Variants in GPR158 observed in about 807,000 individuals in gnomAD.
GPR158 encodes metabotropic glycine receptor.
Under a neutral mutation model 78.2 loss-of-function variants are expected in GPR158, and 30 were observed. The ratio of observed to expected loss-of-function variants is 0.38; its 90% CI spans 0.29 to 0.52. The LOEUF is 0.52. Ranked by LOEUF, GPR158 falls within the 20% of genes least tolerant of loss-of-function variation. GPR158 has a pLI of 0.83. For synonymous variants in GPR158, 581 were observed against 591.1 expected (o/e 0.98, Z 0.25); for missense variants, 1,463 against 1,523.5 (o/e 0.96, Z 0.66).
At chr10:25,248,411 A>T (rs894122012) in intron 2 of GPR158, among the ~76,000 whole-genome samples, 1 of 152,052 alleles carries the variant, frequency 6.6e-6, no homozygotes, top group Non-Finnish European at 1.5e-5. Context: ...CTGAATGGTA[A>T]TGCCTAGGTT....
At chr10:25,413,600 G>C (rs1457373746) in intron 4 of GPR158, among the ~76,000 whole-genome samples, 1 of 152,112 alleles carries the variant, frequency 6.6e-6, no homozygotes. Flanking sequence ...GTACAGATTG[G>C]TTTAGATTAC....
chr10:25,493,610 A>G (rs140697648), intron 5 of GPR158, among the ~76,000 whole-genome samples: 16 of 152,312 alleles, frequency 1.1e-4, no homozygotes, highest in African/African-American at 3.6e-4. Flanking sequence ...CAGAAATAAA[A>G]TATGTCTAAA....
chr10:25,431,452 G>A (rs1002870442), intron 4 of GPR158, among the ~76,000 whole-genome samples: 7 of 142,204 alleles, frequency 4.9e-5, no homozygotes, highest in Middle Eastern at 3.7e-3. Flanking sequence ...TCAGTGTGGC[G>A]ATTCCTCAGG....
At chr10:25,225,207 C>G (rs2130687996) in intron 2 of GPR158, among the ~76,000 whole-genome samples, 1 of 127,290 alleles carries the variant, frequency 7.9e-6, no homozygotes, top group East Asian at 2.1e-4. Context: ...TTGTATAAAG[C>G]AATGTATAAC....
intron 2 of GPR158, among the ~76,000 whole-genome samples, chr10:25,330,272 G>A (rs1446836241): frequency 2.0e-5 from 3 of 151,670 alleles, no homozygotes; most frequent in Non-Finnish European, 4.4e-5. Context: ...TTCCTAACAC[G>A]GCCCCTCTTT....
intron 4 of GPR158, among the ~76,000 whole-genome samples, chr10:25,438,101 G>A (rs1356348760): frequency 6.6e-6 from 1 of 152,180 alleles, no homozygotes; most frequent in Non-Finnish European, 1.5e-5. Flanking sequence ...TGAGGCAGAT[G>A]CCAATGGCTT....
intron 2 of GPR158, among the ~76,000 whole-genome samples, chr10:25,230,586 G>GAT (rs1853434645): frequency 6.6e-6 from 1 of 152,144 alleles, no homozygotes; most frequent in African/African-American, 2.4e-5. Flanking sequence ...ACTCGTGGGT[G>GAT]ATGTGATAAC....
At chr10:25,397,676 G>A (rs948103262) in intron 3 of GPR158, among the ~76,000 whole-genome samples, 72 of 152,182 alleles carry the variant, frequency 4.7e-4, no homozygotes, top group African/African-American at 1.7e-3. Flanking sequence ...CGTCTCCTCC[G>A]CCGCATATTT....
intron 2 of GPR158, among the ~76,000 whole-genome samples, chr10:25,361,585 C>T (rs929054758): frequency 2.0e-5 from 3 of 151,922 alleles, no homozygotes; most frequent in African/African-American, 4.8e-5. Flanking sequence ...TTTCCACATT[C>T]TCACAAACAT....
chr10:25,283,135 C>T (rs1854300318), intron 2 of GPR158, among the ~76,000 whole-genome samples: 1 of 151,990 alleles, frequency 6.6e-6, no homozygotes, highest in Admixed American at 6.6e-5. Context: ...TCATTTAGAG[C>T]TGAGGTCTTC....
chr10:25,481,363 A>C (rs1434493893), intron 5 of GPR158, among the ~76,000 whole-genome samples: 1 of 152,126 alleles, frequency 6.6e-6, no homozygotes, highest in Non-Finnish European at 1.5e-5. Flanking sequence ...AGATGAGTCA[A>C]ATAGAGTCGA....
At chr10:25,395,544 A>G (rs1834353486) in intron 2 of GPR158, among the ~76,000 whole-genome samples, 1 of 152,176 alleles carries the variant, frequency 6.6e-6, no homozygotes, top group Admixed American at 6.5e-5. Flanking sequence ...TTTGATAGAA[A>G]CATTCAGTAT....
chr10:25,560,488 A>G (rs921294846), intron 6 of GPR158, among the ~76,000 whole-genome samples: 2 of 152,146 alleles, frequency 1.3e-5, no homozygotes, highest in Admixed American at 1.3e-4. Context: ...GATGGTCTCA[A>G]TCTCCTGACC....
chr10:25,241,414 T>TCTTCTCTTCTCTTCTCTTCTCTTC (rs1564399847), intron 2 of GPR158, among the ~76,000 whole-genome samples: 44 of 54,918 alleles, frequency 8.0e-4, no homozygotes, highest in Middle Eastern at 9.1e-3. Flanking sequence ...CTCTTCTCTT[T>TCTTCTCTTCTCTTCTCTTCTCTTC]TCTTTTCTTT....
chr10:25,568,826 GC>G (rs2130728650), intron 6 of GPR158, among the ~76,000 whole-genome samples: 1 of 152,130 alleles, frequency 6.6e-6, no homozygotes, highest in African/African-American at 2.4e-5. Context: ...TATATGTTGG[GC>G]TTTCCTTCAG....
chr10:25,339,914 G>A (rs902102534), intron 2 of GPR158, among the ~76,000 whole-genome samples: 2 of 152,078 alleles, frequency 1.3e-5, no homozygotes, highest in Non-Finnish European at 2.9e-5. Flanking sequence ...CTTCGCATAT[G>A]TGCAGCTTAG....
At chr10:25,368,323 G>C (rs944082558) in intron 2 of GPR158, among the ~76,000 whole-genome samples, 1 of 151,756 alleles carries the variant, frequency 6.6e-6, no homozygotes, top group African/African-American at 2.4e-5. Context: ...CAGAATGGGA[G>C]AAAATATTTG....
rs893128394 is a variant in GPR158 at position 25,491,102 on chromosome 10, G to C, written c.1404+24383G>C. Reference sequence around the variant, plus strand: ...ATTGAGCTTTGTGATGTTCAAGGTAGATTTTTAATATGGCCATATATGGCG... The same window carrying C: ...ATTGAGCTTTGTGATGTTCAAGGTACATTTTTAATATGGCCATATATGGCG... On this transcript the variant is annotated intron_variant, in intron 5 of 10. Coordinates refer to ENST00000376351, the MANE Select transcript of GPR158 (RefSeq NM_020752.3). Among the ~76,000 whole-genome samples the C allele has an allele frequency of 6.6e-5, 10 of 152,096 alleles. No homozygotes were observed. In the East Asian group the frequency reaches 1.9e-3, roughly 29 times the overall value.
intron 1 of GPR158, among the ~76,000 whole-genome samples, chr10:25,196,038 T>C (rs2081375071): frequency 6.6e-6 from 1 of 152,174 alleles, no homozygotes; most frequent in Non-Finnish European, 1.5e-5. Flanking sequence ...TGTGCTTAGA[T>C]GTGATTCATT....
Sources: allele counts gnomAD v4.1 joint callset (sites outside exome capture counted in the v4.1 genomes callset), GRCh38; gene constraint gnomAD v4.1.1; transcripts MANE v1.5; gene names NCBI Gene and HGNC (gene_info 2026-07-23, HGNC 2026-07-21).